FHOD3: variants seen among roughly 807,000 people sequenced by gnomAD.
The protein encoded by FHOD3 is formin homology 2 domain containing 3, also known as FH1/FH2 domain-containing protein 3.
Under a neutral mutation model 173.0 loss-of-function variants are expected in FHOD3, and 90 were observed. That is an observed-to-expected ratio of 0.52 (90% CI 0.44 to 0.62). FHOD3 has a LOEUF of 0.62. Ranked by LOEUF, FHOD3 falls within the 20% of genes least tolerant of loss-of-function variation. FHOD3 has a pLI of 0.00. For missense variants in FHOD3, 1,945 were observed against 2,034.7 expected, an observed-to-expected ratio of 0.96 and a Z score of 0.85; for synonymous variants, 828 against 823.0, an observed-to-expected ratio of 1.01 and a Z score of -0.10.
chr18:36,742,655 A>T, intron 21 of FHOD3, 82 bp from the exon 22 acceptor site: 1 of 1,444,142 alleles, frequency 6.9e-7, no homozygotes, highest in South Asian at 1.3e-5. Context: ...ACCGTGTGTT[A>T]TTCCCTTATA....
intron 5 of FHOD3, among the ~76,000 whole-genome samples, chr18:36,552,052 T>A (rs1224677809): frequency 2.0e-5 from 3 of 152,168 alleles, no homozygotes; most frequent in African/African-American, 4.8e-5. Context: ...TGGTAGCTTG[T>A]TGGGGATGGC....
chr18:36,414,122 G>T (rs752073196), intron 3 of FHOD3, among the ~76,000 whole-genome samples: 2 of 152,122 alleles, frequency 1.3e-5, no homozygotes, highest in Non-Finnish European at 2.9e-5. Context: ...CACCTTATTT[G>T]GCACACTAGG....
intron 14 of FHOD3, among the ~76,000 whole-genome samples, chr18:36,671,552 T>G (rs970901549): frequency 7.9e-5 from 12 of 152,232 alleles, no homozygotes; most frequent in Admixed American, 1.3e-4. Context: ...ATGTAGAAAG[T>G]TGGATGAGTT....
chr18:36,418,784 G>A (rs964288683), intron 3 of FHOD3, among the ~76,000 whole-genome samples: 7 of 152,054 alleles, frequency 4.6e-5, no homozygotes, highest in Non-Finnish European at 8.8e-5. Context: ...GCATTGTGGT[G>A]TGTGCCTGTA....
intron 18 of FHOD3, 73 bp downstream of exon 18, chr18:36,709,464 C>T (rs544143369): frequency 4.8e-4 from 711 of 1,492,290 alleles, no homozygotes; most frequent in Non-Finnish European, 5.7e-4. Context: ...TCTCTAAGAG[C>T]TTGTCCACAG....
chr18:36,672,905 T>C (rs2037622978), intron 14 of FHOD3, among the ~76,000 whole-genome samples: 1 of 152,192 alleles, frequency 6.6e-6, no homozygotes, highest in Non-Finnish European at 1.5e-5. Flanking sequence ...ACTAGTGTAC[T>C]TCCTCTTTTT....
chr18:36,600,411 C>G (rs1281319318), intron 7 of FHOD3, among the ~76,000 whole-genome samples: 1 of 152,190 alleles, frequency 6.6e-6, no homozygotes, highest in Non-Finnish European at 1.5e-5. Context: ...GAACACAGGC[C>G]TAGCCTGAGG....
chr18:36,436,974 A>G (rs2143481587), intron 3 of FHOD3, among the ~76,000 whole-genome samples: 1 of 152,366 alleles, frequency 6.6e-6, no homozygotes, highest in East Asian at 1.9e-4. Flanking sequence ...GACATATCTT[A>G]GCCCCTGCAA....
At chr18:36,410,331 A>G (rs1226934117) in intron 3 of FHOD3, among the ~76,000 whole-genome samples, 1 of 152,192 alleles carries the variant, frequency 6.6e-6, no homozygotes, top group Non-Finnish European at 1.5e-5. Context: ...TGTAGTATTC[A>G]TTGGTACTCC....
At chr18:36,759,225 G>A in intron 26 of FHOD3, 84 bp downstream of exon 26, 1 of 1,402,926 alleles carries the variant, frequency 7.1e-7, no homozygotes, top group Non-Finnish European at 9.7e-7. Context: ...TCAGCATGAA[G>A]TGTCAGCACC....
intron 3 of FHOD3, among the ~76,000 whole-genome samples, chr18:36,406,103 GTT>G (rs1230805196): frequency 7.4e-6 from 1 of 134,368 alleles, no homozygotes; most frequent in African/African-American, 2.7e-5. Flanking sequence ...TTGTTTTTTT[GTT>G]TTTGTTTTTG....
At chr18:36,686,689 G>T (rs1226279149) in intron 15 of FHOD3, among the ~76,000 whole-genome samples, 2 of 151,778 alleles carry the variant, frequency 1.3e-5, no homozygotes, top group Non-Finnish European at 2.9e-5. Context: ...AGCTTGTGGA[G>T]TGCAACATAG....
chr18:36,779,210 C>T, intron 28 of FHOD3: 2 of 561,020 alleles, frequency 3.6e-6, no homozygotes, highest in Non-Finnish European at 6.4e-6. Context: ...CCTCTCGGCC[C>T]TCCAAATCAG....
chr18:36,769,487 C>A, intron 28 of FHOD3, 61 bp downstream of exon 28: 1 of 1,557,278 alleles, frequency 6.4e-7, no homozygotes, highest in Non-Finnish European at 8.7e-7. Flanking sequence ...TCCCATTCTA[C>A]GTGAACTGGG....
chr18:36,649,447 G>A (rs2035906416), intron 11 of FHOD3, 42 bp downstream of exon 11: 3 of 1,451,622 alleles, frequency 2.1e-6, no homozygotes, highest in Non-Finnish European at 2.8e-6. Context: ...CTAAAAGTGG[G>A]AGACTCCTTC....
At chr18:36,609,060 G>A (rs1044858761) in intron 8 of FHOD3, among the ~76,000 whole-genome samples, 2 of 152,238 alleles carry the variant, frequency 1.3e-5, no homozygotes. Flanking sequence ...CCTTTAGGAC[G>A]GAATTTCCCC....
chr18:36,510,861 A>G (rs114061900), intron 4 of FHOD3, among the ~76,000 whole-genome samples: 2,046 of 152,284 alleles, frequency 0.013, 37 homozygotes, highest in African/African-American at 0.047. Context: ...TTCAGGGCGC[A>G]GACATCACTC....
At chr18:36,532,966 C>T (rs79889027) in intron 5 of FHOD3, among the ~76,000 whole-genome samples, 1,536 of 152,316 alleles carry the variant, frequency 0.01, 20 homozygotes, top group African/African-American at 0.035. Flanking sequence ...CAGCGTGATG[C>T]CCCATTGGGT....
intron 3 of FHOD3, among the ~76,000 whole-genome samples, chr18:36,418,670 TG>T (rs548904143): frequency 2.6e-4 from 39 of 152,224 alleles, no homozygotes; most frequent in African/African-American, 9.4e-4. Flanking sequence ...CCCAGCACTT[TG>T]GGAGGCTGAG....
Sources: allele counts gnomAD v4.1 joint callset (sites outside exome capture counted in the v4.1 genomes callset), GRCh38; gene constraint gnomAD v4.1.1; transcripts MANE v1.5; gene names NCBI Gene and HGNC (gene_info 2026-07-23, HGNC 2026-07-21).